Variants in PARP14 observed in about 807,000 individuals in gnomAD.
The protein encoded by PARP14 is protein mono-ADP-ribosyltransferase PARP14.
A neutral mutation model predicts 154.2 loss-of-function variants in PARP14; 59 were observed. That is an observed-to-expected ratio of 0.38 (90% CI 0.31 to 0.48). The LOEUF (loss-of-function observed/expected upper bound fraction) is 0.48, where lower values mean the gene tolerates loss of function less well. Among genes scored for constraint, PARP14 ranks in the 20% least tolerant of loss-of-function variants. PARP14 has a pLI of 0.98. For synonymous variants in PARP14, 720 were observed against 780.5 expected (o/e 0.92, Z 1.29); for missense variants, 1,734 against 2,131.6 (o/e 0.81, Z 3.67).
Position 122,701,438 on chromosome 3 carries a change from G to A in PARP14, c.2884G>A (p.Val962Ile), listed in dbSNP as rs1486246805. 1.9e-6 allele frequency: 3 copies of A among 1,614,028 alleles called. No homozygotes were observed. Among genetic ancestry groups the A allele is most frequent in the African/African-American group, 1.3e-5 (1 of 75,058 alleles). ...HCLKEIYLVD[V>I]SEKTVEAFAE... ...CTTGAAAGAAATCTACCTTGTGGAT[G>A]TATCTGAGAAGACTGTTGAGGCCTT... is the stretch of plus-strand genomic sequence containing the variant. Residue 962 changes from valine (V) to isoleucine (I), a missense_variant, in exon 6 of 17, where the codon GTA becomes ATA. Coordinates refer to ENST00000474629, the MANE Select transcript of PARP14 (RefSeq NM_017554.3). The surrounding 1 kb of genome is among the most constrained non-coding windows in gnomAD (Gnocchi z 4.0).
chr3:122,687,118 A>G lies in PARP14; in HGVS notation c.355+5A>G. 1 of 1,592,402 alleles carries G rather than the reference A, an allele frequency of 6.3e-7. No homozygotes were observed. The highest frequency in any genetic ancestry group is 1.1e-5 in the South Asian group (1 of 88,182). ...AAGAAGATGTTAAAGAACCAGGTAAAATCTCAGTTGAGATGACTCTGACAT... is the reference window on the plus strand; with the variant it reads ...AAGAAGATGTTAAAGAACCAGGTAAGATCTCAGTTGAGATGACTCTGACAT... On this transcript the variant is annotated splice_donor_5th_base_variant and intron_variant, in intron 3 of 16. Transcript: ENST00000474629.
At position 122,711,237 on chromosome 3, in the gene PARP14, T is replaced by A. The variant is rs537751705; in HGVS notation, c.3620-2187T>A. 3.3e-5 allele frequency among the ~76,000 whole-genome samples: 5 copies of A among 152,328 alleles called. No individual in the cohort carries two copies. In the South Asian group the frequency reaches 1.0e-3, roughly 32 times the overall value. On this transcript the variant is annotated intron_variant, in intron 9 of 16. Coordinates refer to ENST00000474629, the MANE Select transcript of PARP14 (RefSeq NM_017554.3). ...TGGCTGTGGATTTGTCACATATGGC[T>A]TTTACTACTTCAAGATATGTCCCCT...
chr3:122,703,011 CAAAAAA>C (rs1185336732), intron 6 of PARP14, among the ~76,000 whole-genome samples: 2 of 67,380 alleles, frequency 3.0e-5, no homozygotes, highest in Non-Finnish European at 6.5e-5. Context: ...AAAAAAAAAA[CAAAAAA>C]AAAAAACAAA....
At chr3:122,710,645 C>T (rs558193805) in intron 9 of PARP14, among the ~76,000 whole-genome samples, 1 of 152,132 alleles carries the variant, frequency 6.6e-6, no homozygotes, top group African/African-American at 2.4e-5. Flanking sequence ...TTGCTTTGGG[C>T]AGAATGGTCA....
In PARP14 at chr3:122,703,868, G is replaced by T; in HGVS notation, c.3208G>T (p.Ala1070Ser). The change falls in exon 7 of 17, where the codon GCT becomes TCT. Residue 1070 changes from alanine (A) to serine (S), a missense_variant. Ala to Ser is a moderately conservative substitution (Grantham distance 99). Transcript: ENST00000474629. ...EELDTVGQGV[A>S]VSMGTVLKTS... is the part of the protein sequence containing the mutation. ...ATTGGACACAGTTGGACAAGGGGTG[G>T]CTGTCAGCATGGGCACAGTGCTCAA... is the stretch of plus-strand genomic sequence containing the variant. The T allele has an allele frequency of 6.2e-7, 1 of 1,613,970 alleles. No individual in the cohort carries two copies. The highest frequency in any genetic ancestry group is 8.5e-7 in the Non-Finnish European group (1 of 1,179,874).
chr3:122,718,466 G>A lies in PARP14; in HGVS notation c.4315G>A (p.Val1439Met), dbSNP rs754581897. 1 of 1,613,992 alleles carries A rather than the reference G, an allele frequency of 6.2e-7. No homozygotes were observed. The highest frequency in any genetic ancestry group is 2.2e-5 in the East Asian group (1 of 44,892). Residue 1439 changes from valine (V) to methionine (M), a missense_variant, in exon 14 of 17, where the codon GTG (valine) becomes ATG (methionine). Transcript: ENST00000474629. ...FRVCGENVTC[V>M]EYAISWLQDL... ...GGTGTGTGGTGAAAATGTCACGTGT[G>A]TGGAATATGCTATCTCCTGGCTACA...
Position 122,718,401 on chromosome 3 carries a change from A to T in PARP14, c.4250A>T (p.His1417Leu), listed in dbSNP as rs2107653401. 6.2e-7 allele frequency: 1 copy of T among 1,612,874 alleles called. No individual in the cohort carries two copies. The highest frequency in any genetic ancestry group is 2.2e-5 in the East Asian group (1 of 44,878). The change falls in exon 14 of 17, where the codon CAT (histidine) becomes CTT (leucine). Residue 1417 changes from histidine (H) to leucine (L), a missense_variant. Physicochemically the swap from His to Leu is moderately conservative, Grantham distance 99. This residue lies in a region of PARP14 where 1,646 missense variants were observed against 1,976.0 expected (regional missense o/e 0.83). Coordinates refer to ENST00000474629, the MANE Select transcript of PARP14 (RefSeq NM_017554.3). ...AAGCAATCTCCCCAAAAAAAGAATC[A>T]TTTGGTTTTGGAAAAGAAAACAGAA... ...FSKQSPQKKNHLVLEKKTESA... is the reference protein window; with the variant it reads ...FSKQSPQKKNLLVLEKKTESA...
At chr3:122,693,265 G>C (rs1560053245) in intron 4 of PARP14, among the ~76,000 whole-genome samples, 2 of 152,266 alleles carry the variant, frequency 1.3e-5, no homozygotes, top group East Asian at 3.9e-4. Flanking sequence ...TAATTGTCAG[G>C]AATCTGTAGA....
chr3:122,713,812 C>T (rs925073438), intron 10 of PARP14, 60 bp from the exon 11 acceptor site: 2 of 1,238,970 alleles, frequency 1.6e-6, no homozygotes, highest in African/African-American at 3.0e-5. Context: ...TCCTTCTGAT[C>T]CAAATATACC....
rs185371302 is a variant in PARP14 at position 122,727,736 on chromosome 3, G to A, written c.4942-76G>A. ...AGTGTGCTTTTATTTATGAAACATA[G>A]TGATCATGTTTCATTTGCTGTATAT... On this transcript the variant is annotated intron_variant, in intron 15 of 16. Coordinates refer to ENST00000474629, the MANE Select transcript of PARP14 (RefSeq NM_017554.3). 155 of 845,872 alleles carry A rather than the reference G, an allele frequency of 1.8e-4. No homozygotes were observed. The East Asian group carries it at 3.8e-3, about 21-fold the overall frequency. The allele number at this position is 845,872 out of a possible 1,614,324, so 52.4% of individuals were successfully genotyped here.
At chr3:122,697,119 ATATAT>A (rs1938804103) in intron 5 of PARP14, among the ~76,000 whole-genome samples, 1 of 151,996 alleles carries the variant, frequency 6.6e-6, no homozygotes, top group Non-Finnish European at 1.5e-5. Context: ...TACCCAGCTA[ATATAT>A]TGTATTTTTA....
chr3:122,718,781 A>T lies in PARP14; in HGVS notation c.4630A>T (p.Thr1544Ser). 2.5e-6 allele frequency: 4 copies of T among 1,613,590 alleles called. No individual in the cohort carries two copies. Among genetic ancestry groups the T allele is most frequent in the Non-Finnish European group, 3.4e-6 (4 of 1,179,544 alleles). ...AGAATGGCAGTATAATGACAATAAC[A>T]CTTCTCATTGTTTTAACAAAATGAC... ...FIEWQYNDNN[T>S]SHCFNKMTNL... is the part of the protein sequence containing the mutation. The change falls in exon 14 of 17, where the codon ACT becomes TCT. Residue 1544 changes from threonine to serine, a missense_variant. By Grantham distance (58) the Thr-to-Ser change is moderately conservative. Transcript: ENST00000474629.
At chr3:122,692,803 C>T (rs2107639518) in intron 4 of PARP14, among the ~76,000 whole-genome samples, 1 of 152,126 alleles carries the variant, frequency 6.6e-6, no homozygotes, top group South Asian at 2.1e-4. Flanking sequence ...GAGAGACAGG[C>T]AGAGAGGGTA....
At chr3:122,688,624 C>T (rs2107637348) in intron 3 of PARP14, among the ~76,000 whole-genome samples, 1 of 152,278 alleles carries the variant, frequency 6.6e-6, no homozygotes, top group Non-Finnish European at 1.5e-5. Context: ...GACTATGGCC[C>T]TAAGGCTGGG....
intron 5 of PARP14, among the ~76,000 whole-genome samples, chr3:122,696,510 T>C (rs1198555720): frequency 6.6e-6 from 1 of 152,170 alleles, no homozygotes; most frequent in African/African-American, 2.4e-5. Flanking sequence ...AGACCTACTA[T>C]TCCTTGGGCA....
intron 1 of PARP14, among the ~76,000 whole-genome samples, chr3:122,682,032 T>C (rs764353099): frequency 6.6e-6 from 1 of 151,710 alleles, no homozygotes; most frequent in Non-Finnish European, 1.5e-5. Context: ...GCAATTAGAG[T>C]GCCCAAGCAG....
At chr3:122,686,142 T>C (rs2107636070) in intron 2 of PARP14, among the ~76,000 whole-genome samples, 3 of 152,310 alleles carry the variant, frequency 2.0e-5, no homozygotes, top group South Asian at 4.1e-4. Context: ...AAATGTTTTA[T>C]TTGTATTTGT....
At chr3:122,684,944 T>G (rs1450805706) in intron 1 of PARP14, among the ~76,000 whole-genome samples, 1 of 152,208 alleles carries the variant, frequency 6.6e-6, no homozygotes. Context: ...ACAAGAAAAC[T>G]GAGGCCTTAT....
chr3:122,700,337 G>T lies in PARP14; in HGVS notation c.1783G>T (p.Ala595Ser). 1.2e-6 allele frequency: 2 copies of T among 1,613,704 alleles called. No individual in the cohort carries two copies. Among genetic ancestry groups the T allele is most frequent in the Non-Finnish European group, 1.7e-6 (2 of 1,179,748 alleles). The change falls in exon 6 of 17, where the codon GCC (alanine) becomes TCC (serine). Residue 595 changes from alanine (A) to serine (S), a missense_variant. By Grantham distance (99) the Ala-to-Ser change is moderately conservative. Coordinates refer to ENST00000474629, the MANE Select transcript of PARP14 (RefSeq NM_017554.3). ...AGAAGCAGAAAAGCAAATGCTCAGT[G>T]CCTTAAATTATAAGCGCATTGAAGT... ...LLEAEKQMLS[A>S]LNYKRIEVEN...
Sources: gnomAD v4.1 joint callset for allele counts (sites outside exome capture counted in the v4.1 genomes callset) on GRCh38, gnomAD v4.1.1 for gene constraint, gnomAD v4.1.1 regional missense constraint, Gnocchi (gnomAD v3.1) non-coding constraint, MANE v1.5 for transcripts, NCBI Gene and HGNC (gene_info 2026-07-23, HGNC 2026-07-21) for gene names.